The following GRM7 variants were observed in gnomAD, a reference collection of about 807,000 sequenced individuals.
The protein encoded by GRM7 is glutamate metabotropic receptor 7.
Under a neutral mutation model 84.5 loss-of-function variants are expected in GRM7, and 35 were observed. The observed-to-expected ratio is 0.41, with a 90% CI of 0.32 to 0.55. The LOEUF is 0.55. GRM7 is among the 20% of genes least tolerant of loss of function. The probability of loss-of-function intolerance (pLI) is 0.19; values close to 1 mark genes in which losing one functional copy is unlikely to be tolerated. For synonymous variants in GRM7, 487 were observed against 455.1 expected, an observed-to-expected ratio of 1.07 and a Z score of -0.89; for missense variants, 1,003 against 1,194.6, an observed-to-expected ratio of 0.84 and a Z score of 2.36.
chr3:7,043,476 T>C (rs988145686), intron 1 of GRM7, among the ~76,000 whole-genome samples: 7 of 152,210 alleles, frequency 4.6e-5, no homozygotes, highest in African/African-American at 1.7e-4. Flanking sequence ...TCCTGACTTT[T>C]AGAGTTCACT....
At chr3:6,934,085 G>A (rs1361577186) in intron 1 of GRM7, among the ~76,000 whole-genome samples, 1 of 152,130 alleles carries the variant, frequency 6.6e-6, no homozygotes, top group East Asian at 1.9e-4. Flanking sequence ...TTTCACATCT[G>A]CCAGTATACA....
intron 8 of GRM7, among the ~76,000 whole-genome samples, chr3:7,675,204 C>CT (rs1700078458): frequency 1.3e-5 from 2 of 152,204 alleles, no homozygotes; most frequent in South Asian, 4.1e-4. Context: ...AGTCTTATAT[C>CT]TATCCCTGTG....
chr3:7,017,780 A>T (rs913015842), intron 1 of GRM7, among the ~76,000 whole-genome samples: 4 of 152,184 alleles, frequency 2.6e-5, no homozygotes, highest in Non-Finnish European at 5.9e-5. Context: ...GGAGTTGAGA[A>T]CCACTGACCT....
chr3:7,368,670 T>A (rs1018486216), intron 4 of GRM7, among the ~76,000 whole-genome samples: 7 of 152,104 alleles, frequency 4.6e-5, no homozygotes, highest in African/African-American at 1.7e-4. Context: ...TTACTTAAAA[T>A]TATCTGAGCC....
intron 1 of GRM7, among the ~76,000 whole-genome samples, chr3:6,991,618 A>AT (rs1340785082): frequency 6.6e-6 from 1 of 151,952 alleles, no homozygotes; most frequent in African/African-American, 2.4e-5. Flanking sequence ...GGAGTTTTAA[A>AT]TTTTTTTCCA....
At chr3:7,044,128 T>A (rs909515741) in intron 1 of GRM7, among the ~76,000 whole-genome samples, 2 of 152,328 alleles carry the variant, frequency 1.3e-5, no homozygotes, top group African/African-American at 2.4e-5. Context: ...ATCATCCAAG[T>A]CACTGATAAA....
intron 2 of GRM7, among the ~76,000 whole-genome samples, chr3:7,166,703 T>C (rs991668904): frequency 6.6e-6 from 1 of 152,158 alleles, no homozygotes; most frequent in Non-Finnish European, 1.5e-5. Flanking sequence ...AGCTGCTTAT[T>C]AACGAACAGA....
chr3:7,330,567 C>T (rs1701165433), intron 4 of GRM7, among the ~76,000 whole-genome samples: 1 of 152,020 alleles, frequency 6.6e-6, no homozygotes, highest in Admixed American at 6.6e-5. Context: ...AGTTGGATCC[C>T]CCATACTGTT....
intron 1 of GRM7, among the ~76,000 whole-genome samples, chr3:7,058,057 T>C (rs950193280): frequency 6.6e-6 from 1 of 151,966 alleles, no homozygotes; most frequent in Admixed American, 6.6e-5. Flanking sequence ...CTGTAACTTT[T>C]ATGTGTATAA....
intron 8 of GRM7, among the ~76,000 whole-genome samples, chr3:7,592,586 CT>C (rs1575532482): frequency 6.6e-6 from 1 of 152,274 alleles, no homozygotes; most frequent in East Asian, 1.9e-4. Flanking sequence ...TTTAAGGATT[CT>C]GGATGGAGGC....
intron 4 of GRM7, among the ~76,000 whole-genome samples, chr3:7,410,656 CCACACA>C (rs370683194): frequency 2.5e-4 from 35 of 142,688 alleles, no homozygotes; most frequent in Non-Finnish European, 4.6e-4. Context: ...ACCACCACCA[CCACACA>C]CACACACACA....
intron 4 of GRM7, among the ~76,000 whole-genome samples, chr3:7,391,020 G>A (rs1316310905): frequency 6.6e-6 from 1 of 151,880 alleles, no homozygotes; most frequent in African/African-American, 2.4e-5. Flanking sequence ...GCTATCATTT[G>A]GATGTGGCTT....
intron 7 of GRM7, among the ~76,000 whole-genome samples, chr3:7,563,581 G>A (rs1694126264): frequency 6.6e-6 from 1 of 152,048 alleles, no homozygotes; most frequent in African/African-American, 2.4e-5. Flanking sequence ...AGAATTAGGG[G>A]GAAAAATGAC....
chr3:7,724,753 T>C (rs1054039707), intron 9 of GRM7, among the ~76,000 whole-genome samples: 3 of 152,104 alleles, frequency 2.0e-5, no homozygotes, highest in African/African-American at 7.2e-5. Context: ...ACCCATTCCA[T>C]TATTTTTGTC....
chr3:7,587,528 C>G (rs545667866), intron 8 of GRM7, among the ~76,000 whole-genome samples: 2 of 152,246 alleles, frequency 1.3e-5, no homozygotes, highest in African/African-American at 4.8e-5. Context: ...ACTGGAGAGA[C>G]GGGTAGAGGC....
intron 8 of GRM7, among the ~76,000 whole-genome samples, chr3:7,611,096 G>A (rs1388788291): frequency 6.6e-6 from 1 of 152,086 alleles, no homozygotes; most frequent in African/African-American, 2.4e-5. Flanking sequence ...TAATTCTAAT[G>A]TATATGAGTA....
chr3:7,385,563 G>A (rs892090453), intron 4 of GRM7, among the ~76,000 whole-genome samples: 1 of 152,078 alleles, frequency 6.6e-6, no homozygotes, highest in African/African-American at 2.4e-5. Flanking sequence ...GCCTCCGAAA[G>A]TGCTGGGATT....
At chr3:7,121,863 A>G (rs899167945) in intron 1 of GRM7, among the ~76,000 whole-genome samples, 1 of 152,180 alleles carries the variant, frequency 6.6e-6, no homozygotes, top group Non-Finnish European at 1.5e-5. Flanking sequence ...AAAAGAGGTG[A>G]TTAGGCCATG....
intron 1 of GRM7, among the ~76,000 whole-genome samples, chr3:7,081,992 G>T (rs1044974597): frequency 1.3e-5 from 2 of 152,050 alleles, no homozygotes; most frequent in Non-Finnish European, 2.9e-5. Context: ...AAAATGCATT[G>T]CCATCACATA....
Sources: gnomAD v4.1 joint callset for allele counts (sites outside exome capture counted in the v4.1 genomes callset) on GRCh38, gnomAD v4.1.1 for gene constraint, MANE v1.5 for transcripts, NCBI Gene and HGNC (gene_info 2026-07-23, HGNC 2026-07-21) for gene names.